Variants in CHN2 observed in about 807,000 individuals in gnomAD.
The protein encoded by CHN2 is beta-chimaerin.
A neutral mutation model predicts 56.3 loss-of-function variants in CHN2; 35 were observed. That is an observed-to-expected ratio of 0.62 (90% CI 0.47 to 0.82). CHN2 has a LOEUF of 0.82. Ranked by LOEUF, CHN2 falls within the 40% of genes least tolerant of loss-of-function variation. The pLI is 0.00. For missense variants in CHN2, 491 were observed against 580.5 expected, an observed-to-expected ratio of 0.85 and a Z score of 1.58; for synonymous variants, 210 against 212.8, an observed-to-expected ratio of 0.99 and a Z score of 0.12.
At chr7:29,459,421 A>C (rs1784987579) in intron 6 of CHN2, among the ~76,000 whole-genome samples, 1 of 152,122 alleles carries the variant, frequency 6.6e-6, no homozygotes, top group Non-Finnish European at 1.5e-5. Context: ...AATCAGGGTA[A>C]GGTCATGCCG....
intron 1 of CHN2, among the ~76,000 whole-genome samples, chr7:29,256,545 T>C (rs539900781): frequency 1.5e-4 from 23 of 152,366 alleles, no homozygotes; most frequent in Admixed American, 1.2e-3. Context: ...TGTTCGTTTC[T>C]GACCTCATTA....
intron 2 of CHN2, 57 bp from the exon 3 acceptor site, chr7:29,367,875 G>T: frequency 6.8e-7 from 1 of 1,464,264 alleles, no homozygotes; most frequent in Non-Finnish European, 9.4e-7. Flanking sequence ...ACGTTGATAT[G>T]TGTTGCAGTA....
intron 2 of CHN2, chr7:29,184,641 C>G (rs983818253): frequency 6.6e-6 from 1 of 152,182 alleles, no homozygotes; most frequent in Non-Finnish European, 1.5e-5. Flanking sequence ...CTGTTTTCTC[C>G]AGGCCTTCAA....
chr7:29,312,461 C>T (rs1794671959), intron 1 of CHN2, among the ~76,000 whole-genome samples: 1 of 152,148 alleles, frequency 6.6e-6, no homozygotes, highest in Non-Finnish European at 1.5e-5. Flanking sequence ...GTGTGTGTCA[C>T]CACATGCCAT....
At chr7:29,328,483 C>T (rs1259670556) in intron 1 of CHN2, among the ~76,000 whole-genome samples, 2 of 151,884 alleles carry the variant, frequency 1.3e-5, no homozygotes, top group Non-Finnish European at 2.9e-5. Flanking sequence ...ATCAGAGAAA[C>T]GTGTATAAAA....
At chr7:29,313,625 C>T (rs186290844) in intron 1 of CHN2, among the ~76,000 whole-genome samples, 1 of 152,132 alleles carries the variant, frequency 6.6e-6, no homozygotes, top group Admixed American at 6.5e-5. Flanking sequence ...TTTGACCAAC[C>T]CTGGAAGCAA....
At chr7:29,387,880 G>T (rs1801047160) in intron 3 of CHN2, among the ~76,000 whole-genome samples, 1 of 152,158 alleles carries the variant, frequency 6.6e-6, no homozygotes, top group Admixed American at 6.5e-5. Context: ...TACATGCTCA[G>T]TGTAGAAGGC....
intron 6 of CHN2, chr7:29,479,713 T>A: frequency 9.3e-7 from 1 of 1,080,958 alleles, no homozygotes; most frequent in Non-Finnish European, 1.1e-6. Context: ...TGTGCGCTGG[T>A]GTGTTTGAGT....
chr7:29,299,774 GAGCT>G (rs1793499415), intron 1 of CHN2, among the ~76,000 whole-genome samples: 1 of 152,132 alleles, frequency 6.6e-6, no homozygotes, highest in Non-Finnish European at 1.5e-5. Context: ...ATGGAATACT[GAGCT>G]AGAAACACAA....
At chr7:29,486,333 G>T (rs535280956) in intron 7 of CHN2, among the ~76,000 whole-genome samples, 1 of 152,312 alleles carries the variant, frequency 6.6e-6, no homozygotes, top group African/African-American at 2.4e-5. Context: ...CCTGCAGTTT[G>T]CCCTCTTGTG....
chr7:29,304,817 C>G (rs1402012781), intron 1 of CHN2, among the ~76,000 whole-genome samples: 1 of 152,184 alleles, frequency 6.6e-6, no homozygotes. Context: ...AGCTGGACCT[C>G]TTGAATGGTT....
chr7:29,340,952 C>T (rs1797010239), intron 1 of CHN2, among the ~76,000 whole-genome samples: 1 of 152,118 alleles, frequency 6.6e-6, no homozygotes, highest in African/African-American at 2.4e-5. Flanking sequence ...AATGCAGCTG[C>T]TAGGCGACTG....
intron 1 of CHN2, among the ~76,000 whole-genome samples, chr7:29,239,048 T>C (rs1787435821): frequency 6.6e-6 from 1 of 152,202 alleles, no homozygotes; most frequent in Admixed American, 6.5e-5. Flanking sequence ...GACCTGACTT[T>C]TATTTTCATA....
chr7:29,409,139 G>T (rs1306921409), intron 6 of CHN2, among the ~76,000 whole-genome samples: 1 of 152,140 alleles, frequency 6.6e-6, no homozygotes, highest in Non-Finnish European at 1.5e-5. Context: ...CTCCTTCTCT[G>T]CATAAGCACG....
At chr7:29,480,008 C>A (rs1052688716) in intron 6 of CHN2, 1 of 1,500,910 alleles carries the variant, frequency 6.7e-7, no homozygotes, top group African/African-American at 1.4e-5. Context: ...ACCCAGCTGC[C>A]TCAAATCTGC....
At chr7:29,417,188 C>T (rs1803846095) in intron 6 of CHN2, among the ~76,000 whole-genome samples, 1 of 152,132 alleles carries the variant, frequency 6.6e-6, no homozygotes. Flanking sequence ...CTTGCTGCAG[C>T]AAATGGGCTT....
At chr7:29,432,701 A>G (rs950074467) in intron 6 of CHN2, among the ~76,000 whole-genome samples, 4 of 152,228 alleles carry the variant, frequency 2.6e-5, no homozygotes, top group African/African-American at 9.6e-5. Context: ...AGGACAACAG[A>G]TGTAAAATCA....
chr7:29,483,532 T>C (rs187665984), intron 7 of CHN2, among the ~76,000 whole-genome samples: 156 of 152,342 alleles, frequency 1.0e-3, no homozygotes, highest in African/African-American at 3.6e-3. Context: ...TTGTACCTAC[T>C]AGGCACTGAG....
intron 10 of CHN2, 66 bp from the exon 11 acceptor site, chr7:29,507,161 TC>T: frequency 2.1e-6 from 3 of 1,434,740 alleles, no homozygotes; most frequent in Admixed American, 2.4e-5. Flanking sequence ...TTTTTTTTTT[TC>T]CTTTCTGTAC....
Sources: gnomAD v4.1 joint callset for allele counts (sites outside exome capture counted in the v4.1 genomes callset) on GRCh38, gnomAD v4.1.1 for gene constraint, MANE v1.5 for transcripts, NCBI Gene and HGNC (gene_info 2026-07-23, HGNC 2026-07-21) for gene names.